Variants in DNMBP observed in about 807,000 individuals in gnomAD.
DNMBP encodes dynamin binding protein.
DNMBP carries 87 observed loss-of-function variants against 150.0 expected under a neutral mutation model. The observed-to-expected ratio is 0.58, with a 90% confidence interval of 0.49 to 0.69. The LOEUF (loss-of-function observed/expected upper bound fraction) is 0.69. DNMBP is among the 30% of genes least tolerant of loss of function. The probability of loss-of-function intolerance (pLI) is 0.00; values close to 1 mark genes in which losing one functional copy is unlikely to be tolerated. For synonymous variants in DNMBP, 711 were observed against 750.4 expected (o/e 0.95, Z 0.86); for missense variants, 1,774 against 1,949.0 (o/e 0.91, Z 1.69).
intron 14 of DNMBP, 98 bp from the exon 15 acceptor site, chr10:99,884,307 ACAGT>A (rs147539253): frequency 0.037 from 37,676 of 1,030,422 alleles, 954 homozygotes; most frequent in South Asian, 0.085. Context: ...TGAGGCAGGG[ACAGT>A]CAGTCACTGC....
At chr10:99,972,630 G>A (rs963431202) in intron 1 of DNMBP, among the ~76,000 whole-genome samples, 24 of 151,872 alleles carry the variant, frequency 1.6e-4, no homozygotes, top group African/African-American at 5.1e-4. Context: ...GGGGCCGGGG[G>A]AAACAGGTCT....
At chr10:99,943,414 T>C (rs1240184336) in intron 4 of DNMBP, among the ~76,000 whole-genome samples, 2 of 151,064 alleles carry the variant, frequency 1.3e-5, no homozygotes, top group African/African-American at 4.9e-5. Flanking sequence ...GTTTGTTTTT[T>C]TGAGACAGTT....
chr10:99,985,036 C>T (rs1422403789), intron 1 of DNMBP, among the ~76,000 whole-genome samples: 1 of 152,110 alleles, frequency 6.6e-6, no homozygotes, highest in Non-Finnish European at 1.5e-5. Flanking sequence ...AGCCACTGTG[C>T]CTGGCCTCAA....
intron 3 of DNMBP, among the ~76,000 whole-genome samples, chr10:99,966,071 A>C (rs1385793882): frequency 6.6e-6 from 1 of 152,244 alleles, no homozygotes; most frequent in African/African-American, 2.4e-5. Flanking sequence ...AGAGAAATTA[A>C]AATCATTTGT....
chr10:100,006,702 A>G lies in DNMBP; in HGVS notation c.-11+3136T>C, dbSNP rs931771442. Among the ~76,000 whole-genome samples the G allele has an allele frequency of 3.7e-5, 5 of 133,398 alleles. No homozygotes were observed. The East Asian group carries it at 1.1e-3, about 29-fold the overall frequency. The allele number at this position is 133,398 out of a possible 152,430, so 87.5% of individuals were successfully genotyped here. On this transcript the variant is annotated intron_variant, in intron 1 of 16. Transcript: ENST00000324109. Reference sequence around the variant, plus strand: ...CCACCTCCCCCCAACCCACATCCACACTGACTGGCCACCATGACCTTGCCA... The same window carrying G: ...CCACCTCCCCCCAACCCACATCCACGCTGACTGGCCACCATGACCTTGCCA...
In DNMBP at chr10:100,005,786, C is replaced by CAAAAAAAAAA. The variant is rs1589458237; in HGVS notation, c.-11+4051_-11+4052insTTTTTTTTTT. Among the ~76,000 whole-genome samples, 236 of 100,960 alleles carry CAAAAAAAAAA rather than the reference C, an allele frequency of 2.3e-3. 7 individuals are homozygous for CAAAAAAAAAA. The highest frequency in any genetic ancestry group is 7.9e-3 in the African/African-American group (162 of 20,580). The allele number at this position is 100,960 out of a possible 152,430, so 66.2% of individuals were successfully genotyped here. ...CTCCAAAAAAAAAAAAAAAAAAAAC[C>CAAAAAAAAAA]AAACTACATAAAGGAAAATGAATTA... On this transcript the variant is annotated intron_variant, in intron 1 of 16. Transcript: ENST00000324109.
chr10:99,983,966 CG>C (rs2133369010), intron 1 of DNMBP, among the ~76,000 whole-genome samples: 1 of 152,240 alleles, frequency 6.6e-6, no homozygotes, highest in African/African-American at 2.4e-5. Flanking sequence ...CTAAACCACC[CG>C]AACACTTCTA....
intron 4 of DNMBP, among the ~76,000 whole-genome samples, chr10:99,913,240 T>C (rs1032147368): frequency 2.0e-5 from 3 of 152,142 alleles, no homozygotes; most frequent in Non-Finnish European, 4.4e-5. Context: ...TTCCCCACTA[T>C]GTAGCTGGGG....
At chr10:99,946,663 A>G (rs1402061694) in intron 4 of DNMBP, among the ~76,000 whole-genome samples, 1 of 152,238 alleles carries the variant, frequency 6.6e-6, no homozygotes, top group Non-Finnish European at 1.5e-5. Context: ...ATCCTTGAAT[A>G]AAACCTAGTT....
At chr10:100,009,139 G>A (rs556653482) in intron 1 of DNMBP, among the ~76,000 whole-genome samples, 2 of 152,316 alleles carry the variant, frequency 1.3e-5, no homozygotes, top group Admixed American at 6.5e-5. Flanking sequence ...TAATGAGACT[G>A]CATTTAAAGT....
intron 1 of DNMBP, among the ~76,000 whole-genome samples, chr10:99,984,112 T>C (rs1414120662): frequency 6.6e-6 from 1 of 152,246 alleles, no homozygotes; most frequent in East Asian, 1.9e-4. Flanking sequence ...CTTCCATTTT[T>C]AGCTCTTTTT....
Position 99,920,079 on chromosome 10 carries a change from A to G in DNMBP, c.2261-10933T>C, listed in dbSNP as rs1012256993. 3.4e-5 allele frequency among the ~76,000 whole-genome samples: 5 copies of G among 145,830 alleles called. No homozygotes were observed. In the South Asian group the frequency reaches 6.5e-4, roughly 19 times the overall value. ...TCAAAATAAGGATTACTATATTTCC[A>G]TTTTTTTTTTTTTGAGACAGAGTTT... On this transcript the variant is annotated intron_variant, in intron 4 of 16. Transcript: ENST00000324109.
chr10:99,905,492 C>T (rs2039813240), intron 6 of DNMBP, among the ~76,000 whole-genome samples: 2 of 152,050 alleles, frequency 1.3e-5, no homozygotes, highest in South Asian at 4.1e-4. Context: ...TGTAATCTTG[C>T]AGTGTGGGAG....
chr10:99,922,508 T>G (rs1043447238), intron 4 of DNMBP, among the ~76,000 whole-genome samples: 5 of 98,746 alleles, frequency 5.1e-5, no homozygotes, highest in South Asian at 4.1e-4. Context: ...TGCTGTTTTT[T>G]TTTTTTTTTT....
Position 99,886,422 on chromosome 10 carries a change from C to T in DNMBP, c.3496G>A (p.Asp1166Asn). 6.2e-7 allele frequency: 1 copy of T among 1,614,178 alleles called. No homozygotes were observed. The highest frequency in any genetic ancestry group is 1.1e-5 in the South Asian group (1 of 91,090). The change falls in exon 13 of 17, where the codon GAT becomes AAT. Residue 1166 changes from aspartate to asparagine, a missense_variant. By Grantham distance (23) the Asp-to-Asn change is conservative. Around this residue, in one of 2 missense-constraint regions of DNMBP, gnomAD observed 1,430 missense variants for 1,492.5 expected, o/e 0.96. Coordinates refer to ENST00000324109, the MANE Select transcript of DNMBP (RefSeq NM_015221.4). ...TACTGGTGGAACTTGGGCAGCTCAT[C>T]CAGCAGCTGTGCATTCAGGGCCTCA... ...NYEALNAQLL[D>N]ELPKFHQYAQ...
intron 3 of DNMBP, among the ~76,000 whole-genome samples, chr10:99,964,052 T>C (rs1332344847): frequency 6.6e-6 from 1 of 152,038 alleles, no homozygotes; most frequent in African/African-American, 2.4e-5. Context: ...CGTGAGGCAA[T>C]TATTAGTGAT....
At chr10:99,887,970 G>A (rs541767608) in intron 12 of DNMBP, among the ~76,000 whole-genome samples, 109 of 152,010 alleles carry the variant, frequency 7.2e-4, no homozygotes, top group Non-Finnish European at 3.4e-4. Flanking sequence ...GATTACAGGT[G>A]TGCGCCACCA....
intron 1 of DNMBP, among the ~76,000 whole-genome samples, chr10:99,984,978 G>A (rs2040815393): frequency 6.6e-6 from 1 of 152,156 alleles, no homozygotes; most frequent in African/African-American, 2.4e-5. Context: ...GTGAGTTCAA[G>A]CAATCCTCCA....
At chr10:99,877,444 C>T (rs953639203) in intron 16 of DNMBP, 108 bp from the exon 17 acceptor site, 4 of 780,288 alleles carry the variant, frequency 5.1e-6, no homozygotes, top group Non-Finnish European at 8.1e-6. Context: ...CATGTGGCTA[C>T]TGAGCCCCTG....
Sources: allele counts gnomAD v4.1 joint callset (sites outside exome capture counted in the v4.1 genomes callset), GRCh38; gene constraint gnomAD v4.1.1; regional missense constraint gnomAD v4.1.1; transcripts MANE v1.5; gene names NCBI Gene and HGNC (gene_info 2026-07-23, HGNC 2026-07-21).